Variants in ABCB11 observed in about 807,000 individuals in gnomAD.
The protein encoded by ABCB11 is bile salt export pump.
A neutral mutation model predicts 148.0 loss-of-function variants in ABCB11; 95 were observed. The observed-to-expected ratio is 0.64, with a 90% CI of 0.54 to 0.76. The LOEUF is 0.76. Ranked by LOEUF, ABCB11 falls within the 30% of genes least tolerant of loss-of-function variation. The pLI is 0.00. For synonymous variants in ABCB11, 591 were observed against 555.4 expected, an observed-to-expected ratio of 1.06 and a Z score of -0.90; for missense variants, 1,523 against 1,617.8, an observed-to-expected ratio of 0.94 and a Z score of 1.01.
chr2:168,954,896 TC>T (rs1247279174), intron 19 of ABCB11, among the ~76,000 whole-genome samples: 1 of 151,752 alleles, frequency 6.6e-6, no homozygotes, highest in Non-Finnish European at 1.5e-5. Context: ...CCATGTTCAG[TC>T]CCTTTACTTA....
chr2:169,017,791 C>A (rs1288234448), intron 2 of ABCB11, among the ~76,000 whole-genome samples: 1 of 152,122 alleles, frequency 6.6e-6, no homozygotes, highest in East Asian at 1.9e-4. Context: ...ACTGGAACAA[C>A]CCTACTCTAT....
downstream of ABCB11, among the ~76,000 whole-genome samples, chr2:168,920,301 G>T (rs2105868704): frequency 6.6e-6 from 1 of 152,002 alleles, no homozygotes; most frequent in Non-Finnish European, 1.5e-5. Flanking sequence ...TTCAGTATTG[G>T]GTGAACTCTT....
chr2:169,003,308 T>C (rs1461440995), intron 5 of ABCB11, among the ~76,000 whole-genome samples: 6 of 147,874 alleles, frequency 4.1e-5, no homozygotes. Context: ...TATGGCTGAG[T>C]AGTATTCCAT....
At chr2:168,991,414 A>T (rs1283937592) in intron 8 of ABCB11, among the ~76,000 whole-genome samples, 11 of 152,130 alleles carry the variant, frequency 7.2e-5, no homozygotes, top group African/African-American at 2.4e-4. Flanking sequence ...ATTTTCACTC[A>T]GTTGGAGACG....
chr2:168,955,305 C>A (rs781642720), intron 19 of ABCB11, among the ~76,000 whole-genome samples: 1 of 151,662 alleles, frequency 6.6e-6, no homozygotes, highest in Middle Eastern at 3.4e-3. Flanking sequence ...CTATTCCTGA[C>A]ACTGGGTAAT....
chr2:168,963,191 G>A (rs1184925781), intron 18 of ABCB11, among the ~76,000 whole-genome samples: 1 of 151,700 alleles, frequency 6.6e-6, no homozygotes, highest in East Asian at 1.9e-4. Context: ...GATAAATCTT[G>A]CAGTTGGGGT....
intron 22 of ABCB11, among the ~76,000 whole-genome samples, 152 bp from the exon 23 acceptor site, chr2:168,935,577 A>G (rs1359814019): frequency 6.6e-6 from 1 of 152,184 alleles, no homozygotes. Flanking sequence ...GTGGCTGGAG[A>G]TCAACCCAAC....
chr2:168,982,174 T>C (rs1247042932), intron 10 of ABCB11, among the ~76,000 whole-genome samples: 3 of 152,040 alleles, frequency 2.0e-5, no homozygotes, highest in Admixed American at 6.6e-5. Context: ...ATGGGTGTGC[T>C]GGAGAAAAAG....
At chr2:168,943,760 G>C (rs1692175053) in intron 21 of ABCB11, among the ~76,000 whole-genome samples, 1 of 106,698 alleles carries the variant, frequency 9.4e-6, no homozygotes, top group Non-Finnish European at 2.1e-5. Flanking sequence ...TCTAGGAGTT[G>C]AGACTACAGT....
intron 19 of ABCB11, among the ~76,000 whole-genome samples, chr2:168,945,852 T>G: frequency 6.6e-6 from 1 of 151,880 alleles, no homozygotes; most frequent in East Asian, 1.9e-4. Context: ...TATCAAAGCA[T>G]TGACTGGAAT....
At chr2:168,925,297 A>T (rs929090944) in intron 26 of ABCB11, among the ~76,000 whole-genome samples, 2 of 152,230 alleles carry the variant, frequency 1.3e-5, no homozygotes, top group Admixed American at 1.3e-4. Flanking sequence ...GTTCATGAAC[A>T]AATTATTTAA....
At chr2:168,965,677 G>C (rs1220991570) in intron 17 of ABCB11, among the ~76,000 whole-genome samples, 2 of 151,756 alleles carry the variant, frequency 1.3e-5, no homozygotes, top group African/African-American at 4.8e-5. Context: ...GAAGTAAATG[G>C]TGTAAAGAGA....
chr2:168,947,941 CT>C (rs4148800), intron 19 of ABCB11, among the ~76,000 whole-genome samples: 1,876 of 145,850 alleles, frequency 0.013, 22 homozygotes, highest in African/African-American at 0.035. Context: ...AGTTGAATCT[CT>C]TTTTTTTTTT....
At chr2:168,927,073 G>A in intron 26 of ABCB11, 83 bp downstream of exon 26, 1 of 1,300,528 alleles carries the variant, frequency 7.7e-7, no homozygotes, top group Non-Finnish European at 1.1e-6. Flanking sequence ...TTCAGATTAG[G>A]GATGCTCAAC....
At chr2:168,969,956 TCCCTCCCAC>T in intron 15 of ABCB11, 80 bp downstream of exon 15, 1 of 545,568 alleles carries the variant, frequency 1.8e-6, no homozygotes, top group Non-Finnish European at 3.6e-6. Context: ...ACTACTCCCA[TCCCTCCCAC>T]CCCACAAGGA....
chr2:168,939,728 A>T (rs1207419759), intron 21 of ABCB11, among the ~76,000 whole-genome samples: 1 of 152,110 alleles, frequency 6.6e-6, no homozygotes, highest in Non-Finnish European at 1.5e-5. Flanking sequence ...TTTTTTGCTT[A>T]GCAGATATTG....
chr2:168,956,339 T>C (rs1559200849), intron 19 of ABCB11, among the ~76,000 whole-genome samples: 1 of 151,738 alleles, frequency 6.6e-6, no homozygotes, highest in Non-Finnish European at 1.5e-5. Flanking sequence ...CACACCATTA[T>C]TGGTTGCTGG....
intron 8 of ABCB11, among the ~76,000 whole-genome samples, chr2:168,992,982 T>G (rs545210384): frequency 6.6e-6 from 1 of 152,028 alleles, no homozygotes; most frequent in East Asian, 1.9e-4. Context: ...GTGGCTGCTC[T>G]AATAATAATT....
intron 10 of ABCB11, among the ~76,000 whole-genome samples, chr2:168,981,779 G>A (rs1216988932): frequency 1.3e-5 from 2 of 152,106 alleles, no homozygotes. Context: ...GGCCATATGG[G>A]CTCTGAAGTA....
Sources: allele counts gnomAD v4.1 joint callset (sites outside exome capture counted in the v4.1 genomes callset), GRCh38; gene constraint gnomAD v4.1.1; transcripts MANE v1.5; gene names NCBI Gene and HGNC (gene_info 2026-07-23, HGNC 2026-07-21).